Variants in ANGPT1 observed in about 807,000 individuals in gnomAD.
ANGPT1 encodes the protein angiopoietin-1.
Under a neutral mutation model 62.2 loss-of-function variants are expected in ANGPT1, and 17 were observed. The ratio of observed to expected loss-of-function variants is 0.27; its 90% CI spans 0.19 to 0.41. ANGPT1 has a LOEUF of 0.41. Among genes scored for constraint, ANGPT1 ranks in the 10% least tolerant of loss-of-function variants. The pLI is 1.00. For synonymous variants in ANGPT1, 199 were observed against 198.9 expected (o/e 1.00, Z 0.00); for missense variants, 478 against 594.9 (o/e 0.80, Z 2.04).
At chr8:107,435,013 A>C (rs979712275) in intron 1 of ANGPT1, among the ~76,000 whole-genome samples, 13 of 152,164 alleles carry the variant, frequency 8.5e-5, no homozygotes, top group Admixed American at 8.5e-4. Flanking sequence ...TTTTCTATGT[A>C]ATCACCATAA....
chr8:107,356,032 C>A (rs551643336), intron 1 of ANGPT1, among the ~76,000 whole-genome samples: 4 of 152,264 alleles, frequency 2.6e-5, no homozygotes, highest in African/African-American at 7.2e-5. Context: ...AATACTGAGT[C>A]TCCCATTGTG....
At chr8:107,469,185 G>T (rs1167188102) in intron 1 of ANGPT1, among the ~76,000 whole-genome samples, 1 of 151,946 alleles carries the variant, frequency 6.6e-6, no homozygotes, top group Non-Finnish European at 1.5e-5. Context: ...AGTATCTAGG[G>T]TTCACATTTA....
intron 1 of ANGPT1, among the ~76,000 whole-genome samples, chr8:107,491,941 T>C (rs890466956): frequency 6.6e-6 from 1 of 152,140 alleles, no homozygotes; most frequent in East Asian, 1.9e-4. Context: ...TAGAAACTCA[T>C]AGAAAAGGAC....
chr8:107,395,265 T>G (rs1816913444), intron 1 of ANGPT1, among the ~76,000 whole-genome samples: 1 of 152,244 alleles, frequency 6.6e-6, no homozygotes, highest in Non-Finnish European at 1.5e-5. Flanking sequence ...TTCTTCCATT[T>G]CTATGGTTTT....
intron 8 of ANGPT1, among the ~76,000 whole-genome samples, chr8:107,256,580 T>C (rs1396824041): frequency 6.6e-6 from 1 of 152,234 alleles, no homozygotes; most frequent in African/African-American, 2.4e-5. Context: ...CAGAAGAGTA[T>C]GCCTGAGTTT....
At chr8:107,475,540 T>A (rs1812495974) in intron 1 of ANGPT1, among the ~76,000 whole-genome samples, 2 of 152,158 alleles carry the variant, frequency 1.3e-5, no homozygotes, top group South Asian at 4.1e-4. Context: ...GGACTTCATG[T>A]CTAAAACACC....
rs540965424 is a variant in ANGPT1, at chr8:107,467,498, G to A, written c.297+29764C>T. Reference sequence around the variant, plus strand: ...ATAAGAAAGAACAGGTATAAAAGTCGTTCACCTGAAGAAACCTGGGGACTT... The same window carrying A: ...ATAAGAAAGAACAGGTATAAAAGTCATTCACCTGAAGAAACCTGGGGACTT... On this transcript the variant is annotated intron_variant, in intron 1 of 8. Coordinates refer to ENST00000517746, the MANE Select transcript of ANGPT1 (RefSeq NM_001146.5). Among the ~76,000 whole-genome samples the A allele has an allele frequency of 4.3e-4, 66 of 152,094 alleles. No individual in the cohort carries two copies. The South Asian group carries it at 8.7e-3, about 20-fold the overall frequency.
chr8:107,307,815 CCT>C (rs777595415), intron 4 of ANGPT1, among the ~76,000 whole-genome samples: 9 of 152,120 alleles, frequency 5.9e-5, no homozygotes, highest in Non-Finnish European at 1.0e-4. Context: ...TGAGTATTTG[CCT>C]CTCTCTTTAC....
At chr8:107,353,617 T>G (rs1815978926) in intron 1 of ANGPT1, among the ~76,000 whole-genome samples, 2 of 152,154 alleles carry the variant, frequency 1.3e-5, no homozygotes, top group South Asian at 4.1e-4. Context: ...TTGATTTTTT[T>G]TCTTCAGATG....
chr8:107,371,339 A>G (rs921753868), intron 1 of ANGPT1, among the ~76,000 whole-genome samples: 11 of 152,184 alleles, frequency 7.2e-5, no homozygotes, highest in Non-Finnish European at 5.9e-5. Context: ...TTGTCAGTCA[A>G]TCTGTGAATT....
intron 4 of ANGPT1, among the ~76,000 whole-genome samples, chr8:107,318,803 C>A (rs1340150558): frequency 6.6e-6 from 1 of 152,010 alleles, no homozygotes; most frequent in Non-Finnish European, 1.5e-5. Flanking sequence ...ATATCCATTA[C>A]CTCACATACT....
At position 107,273,453 on chromosome 8, in the gene ANGPT1, A is replaced by G. The variant is rs568986550; in HGVS notation, c.1206-9102T>C. 1.4e-4 allele frequency among the ~76,000 whole-genome samples: 21 copies of G among 152,168 alleles called. 1 individual carries two copies. The South Asian group carries it at 4.4e-3, about 32-fold the overall frequency. On this transcript the variant is annotated intron_variant, in intron 7 of 8. Coordinates refer to ENST00000517746, the MANE Select transcript of ANGPT1 (RefSeq NM_001146.5). ...ATCAGTGTGCTTATTTGTCTCCACA[A>G]TCAGTATAAGCTAGAGTCGAAAATC... is the stretch of plus-strand genomic sequence containing the variant.
chr8:107,474,533 G>T (rs1812459017), intron 1 of ANGPT1, among the ~76,000 whole-genome samples: 1 of 152,192 alleles, frequency 6.6e-6, no homozygotes, highest in African/African-American at 2.4e-5. Context: ...ACAAGACAGG[G>T]ATGACCTCTC....
intron 3 of ANGPT1, chr8:107,322,697 C>A (rs1325014403): frequency 3.2e-6 from 1 of 315,712 alleles, no homozygotes; most frequent in Non-Finnish European, 6.1e-6. Context: ...TGTACAATGA[C>A]ATTAAGAAAG....
chr8:107,341,904 T>C (rs1166222173), intron 2 of ANGPT1, among the ~76,000 whole-genome samples: 2 of 152,016 alleles, frequency 1.3e-5, no homozygotes, highest in Admixed American at 6.6e-5. Context: ...CTCTAGTCAC[T>C]AACAACTGCT....
intron 7 of ANGPT1, among the ~76,000 whole-genome samples, chr8:107,278,429 C>A (rs562356886): frequency 2.1e-4 from 32 of 152,220 alleles, no homozygotes; most frequent in African/African-American, 7.7e-4. Flanking sequence ...TTACCAAATA[C>A]AAGGTATATA....
chr8:107,406,828 T>C (rs1817158083), intron 1 of ANGPT1, among the ~76,000 whole-genome samples: 1 of 151,200 alleles, frequency 6.6e-6, no homozygotes, highest in Admixed American at 6.6e-5. Flanking sequence ...GTCATCATCA[T>C]GAATGTTAAA....
chr8:107,341,264 C>T (rs958282412), intron 2 of ANGPT1, among the ~76,000 whole-genome samples: 3 of 152,130 alleles, frequency 2.0e-5, no homozygotes, highest in African/African-American at 7.2e-5. Context: ...ACTCAACTTC[C>T]AGTTTACAGA....
rs1237760867 is a variant in ANGPT1 at position 107,454,681 on chromosome 8, G to A, written c.297+42581C>T. ...CAAACCCTAAGTATTCATAAATGCC[G>A]ACTTGAAATCAGCATGGGAATGTCA... On this transcript the variant is annotated intron_variant, in intron 1 of 8. Coordinates refer to ENST00000517746, the MANE Select transcript of ANGPT1 (RefSeq NM_001146.5). 2.6e-5 allele frequency among the ~76,000 whole-genome samples: 4 copies of A among 151,960 alleles called. No individual in the cohort carries two copies. The East Asian group carries it at 5.8e-4, about 22-fold the overall frequency.
Sources: gnomAD v4.1 joint callset for allele counts (sites outside exome capture counted in the v4.1 genomes callset) on GRCh38, gnomAD v4.1.1 for gene constraint, MANE v1.5 for transcripts, NCBI Gene and HGNC (gene_info 2026-07-23, HGNC 2026-07-21) for gene names.